Variants in PARD3 observed in about 807,000 individuals in gnomAD.
PARD3 encodes the protein partitioning defective 3 homolog.
Under a neutral mutation model 155.4 loss-of-function variants are expected in PARD3, and 75 were observed. The observed-to-expected ratio is 0.48, with a 90% confidence interval of 0.40 to 0.58. PARD3 has a LOEUF of 0.58. PARD3 is among the 20% of genes least tolerant of loss of function. The pLI is 0.00. For missense variants in PARD3, 1,642 were observed against 1,721.7 expected (o/e 0.95, Z 0.82); for synonymous variants, 576 against 610.5 (o/e 0.94, Z 0.83).
At chr10:34,697,491 G>T (rs1222345674) in intron 1 of PARD3, among the ~76,000 whole-genome samples, 1 of 152,114 alleles carries the variant, frequency 6.6e-6, no homozygotes, top group African/African-American at 2.4e-5. Flanking sequence ...GGTGCGGGGA[G>T]AATCCATATT....
chr10:34,773,659 G>C (rs1417283621), intron 1 of PARD3, among the ~76,000 whole-genome samples: 4 of 152,184 alleles, frequency 2.6e-5, no homozygotes, highest in African/African-American at 7.2e-5. Context: ...AATTTAACAG[G>C]ATATAGGATA....
chr10:34,645,782 C>A (rs547806842), intron 2 of PARD3, among the ~76,000 whole-genome samples: 4 of 152,144 alleles, frequency 2.6e-5, no homozygotes, highest in African/African-American at 7.2e-5. Flanking sequence ...GACATGTGGA[C>A]AAACGAAAGG....
intron 2 of PARD3, among the ~76,000 whole-genome samples, chr10:34,621,325 T>C (rs539543991): frequency 2.5e-4 from 38 of 152,246 alleles, no homozygotes; most frequent in African/African-American, 9.2e-4. Context: ...GCCTTCTGAT[T>C]AGCTGGGATT....
intron 2 of PARD3, among the ~76,000 whole-genome samples, chr10:34,599,058 C>T (rs1037838024): frequency 4.6e-5 from 7 of 152,106 alleles, no homozygotes; most frequent in Admixed American, 6.6e-5. Flanking sequence ...AAGGGTCATG[C>T]CTGAAAGCGT....
chr10:34,358,268 A>G (rs1394191220), intron 14 of PARD3, among the ~76,000 whole-genome samples: 1 of 152,210 alleles, frequency 6.6e-6, no homozygotes, highest in Non-Finnish European at 1.5e-5. Flanking sequence ...ATGTCCTATT[A>G]TACAACAAAG....
rs973297730 is a variant in PARD3 at position 34,344,711 on chromosome 10, A to T, written c.2219-2895T>A. On this transcript the variant is annotated intron_variant, in intron 15 of 24. Transcript: ENST00000374788. ...TACTTTCTGATGAATGTCCAGGACT[A>T]TTACAAAATCCATGATTGTGGAAAT... is the stretch of plus-strand genomic sequence containing the variant. The T allele has an allele frequency of 1.1e-5, 11 of 985,334 alleles. No individual in the cohort carries two copies. The African/African-American group carries it at 1.7e-4, about 16-fold the overall frequency. The allele number at this position is 985,334 out of a possible 1,614,324, so 61.0% of individuals were successfully genotyped here. A position where few individuals can be genotyped will look rare whatever the true frequency, so the allele number is the denominator to read the frequency against.
chr10:34,282,173 TAA>T (rs1311572906), intron 21 of PARD3, among the ~76,000 whole-genome samples: 1 of 148,606 alleles, frequency 6.7e-6, no homozygotes, highest in East Asian at 1.9e-4. Context: ...ACAAAATCCA[TAA>T]GTTTAAATAA....
intron 22 of PARD3, among the ~76,000 whole-genome samples, chr10:34,267,331 AT>A (rs1209764015): frequency 2.0e-5 from 3 of 152,322 alleles, no homozygotes; most frequent in South Asian, 2.1e-4. Flanking sequence ...TATTCTTTGG[AT>A]CCTGACATAT....
At chr10:34,131,766 G>C (rs1012409995) in intron 22 of PARD3, among the ~76,000 whole-genome samples, 183 bp from the exon 23 acceptor site, 1 of 151,916 alleles carries the variant, frequency 6.6e-6, no homozygotes, top group Non-Finnish European at 1.5e-5. Context: ...GGCTTATTGA[G>C]GTATTTTAGA....
At chr10:34,287,773 G>T (rs1269673784) in intron 20 of PARD3, among the ~76,000 whole-genome samples, 6 of 152,228 alleles carry the variant, frequency 3.9e-5, no homozygotes, top group Admixed American at 3.9e-4. Flanking sequence ...GTAGGTTCCT[G>T]ATTCATACCT....
chr10:34,157,686 C>G (rs2133020214), intron 22 of PARD3, among the ~76,000 whole-genome samples: 1 of 152,280 alleles, frequency 6.6e-6, no homozygotes, highest in Middle Eastern at 3.4e-3. Context: ...TATTTAAAAT[C>G]TGAAACCATC....
intron 24 of PARD3, among the ~76,000 whole-genome samples, chr10:34,113,092 A>AG (rs1202908406): frequency 6.6e-6 from 1 of 152,260 alleles, no homozygotes; most frequent in Admixed American, 6.5e-5. Context: ...AATTAAAACA[A>AG]GGAACTTGTG....
chr10:34,732,193 C>T (rs2094830795), intron 1 of PARD3, among the ~76,000 whole-genome samples: 1 of 152,084 alleles, frequency 6.6e-6, no homozygotes, highest in African/African-American at 2.4e-5. Context: ...GAAACGCAAT[C>T]TTCTGAAAAC....
intron 21 of PARD3, among the ~76,000 whole-genome samples, chr10:34,282,249 T>C (rs1019438638): frequency 6.6e-6 from 1 of 152,128 alleles, no homozygotes; most frequent in African/African-American, 2.4e-5. Context: ...TCTTAAATTA[T>C]GAGCCTAATT....
intron 22 of PARD3, among the ~76,000 whole-genome samples, chr10:34,228,462 C>A (rs905401823): frequency 1.3e-5 from 2 of 151,976 alleles, no homozygotes; most frequent in Non-Finnish European, 2.9e-5. Flanking sequence ...ATTAACGGTT[C>A]CATTTATATG....
chr10:34,788,808 T>C (rs1841301093), intron 1 of PARD3, among the ~76,000 whole-genome samples: 1 of 152,124 alleles, frequency 6.6e-6, no homozygotes, highest in African/African-American at 2.4e-5. Flanking sequence ...CAACAACGGC[T>C]GCAAAAACAG....
At chr10:34,208,650 C>A (rs537486244) in intron 22 of PARD3, among the ~76,000 whole-genome samples, 1 of 152,218 alleles carries the variant, frequency 6.6e-6, no homozygotes, top group South Asian at 2.1e-4. Flanking sequence ...AAGCGTGACC[C>A]AACGGTCCCC....
At chr10:34,608,912 G>C (rs183525760) in intron 2 of PARD3, among the ~76,000 whole-genome samples, 1 of 152,242 alleles carries the variant, frequency 6.6e-6, no homozygotes, top group East Asian at 1.9e-4. Flanking sequence ...AAGTAATCTA[G>C]AGATCATCTA....
At chr10:34,650,778 G>A (rs567320732) in intron 2 of PARD3, among the ~76,000 whole-genome samples, 10 of 152,214 alleles carry the variant, frequency 6.6e-5, no homozygotes, top group African/African-American at 1.7e-4. Flanking sequence ...TTGGGAGGCC[G>A]AGGTGGCCGG....
Sources: allele counts gnomAD v4.1 joint callset (sites outside exome capture counted in the v4.1 genomes callset), GRCh38; gene constraint gnomAD v4.1.1; transcripts MANE v1.5; gene names NCBI Gene and HGNC (gene_info 2026-07-23, HGNC 2026-07-21).